The following SEMA4D variants were observed in gnomAD, a reference collection of about 807,000 sequenced individuals.
The protein encoded by SEMA4D is semaphorin 4D.
A neutral mutation model predicts 74.8 loss-of-function variants in SEMA4D; 22 were observed. The observed-to-expected ratio is 0.29, with a 90% CI of 0.21 to 0.42. The LOEUF is 0.42. Ranked by LOEUF, SEMA4D falls within the 10% of genes least tolerant of loss-of-function variation. The pLI is 1.00. For missense variants in SEMA4D, 937 were observed against 1,118.4 expected (o/e 0.84, Z 2.31); for synonymous variants, 445 against 463.7 (o/e 0.96, Z 0.52).
intron 1 of SEMA4D, among the ~76,000 whole-genome samples, chr9:89,472,023 T>C (rs1588130105): frequency 6.6e-6 from 1 of 152,202 alleles, no homozygotes; most frequent in African/African-American, 2.4e-5. Flanking sequence ...CAGGCTGAGG[T>C]GCATGCCAGC....
intron 13 of SEMA4D, chr9:89,385,869 C>A: frequency 6.8e-6 from 1 of 146,486 alleles, no homozygotes; most frequent in Non-Finnish European, 1.4e-5. Flanking sequence ...CGTGGATGCC[C>A]GCCCACCCAC....
chr9:89,421,572 G>A (rs1846961404), intron 2 of SEMA4D, among the ~76,000 whole-genome samples: 1 of 152,178 alleles, frequency 6.6e-6, no homozygotes, highest in East Asian at 1.9e-4. Flanking sequence ...ACACCCAGAA[G>A]TCCACCAGTG....
intron 1 of SEMA4D, among the ~76,000 whole-genome samples, chr9:89,478,451 C>T (rs573623430): frequency 6.6e-6 from 1 of 152,226 alleles, no homozygotes; most frequent in South Asian, 2.1e-4. Flanking sequence ...GCCCTGCTGA[C>T]ACCTTGATTT....
At chr9:89,371,396 GGT>G (rs1834720328) in intron 16 of SEMA4D, among the ~76,000 whole-genome samples, 2 of 128,542 alleles carry the variant, frequency 1.6e-5, no homozygotes, top group African/African-American at 3.0e-5. Context: ...TCTGGGGTGT[GGT>G]GTGTGTCTGG....
intron 2 of SEMA4D, among the ~76,000 whole-genome samples, chr9:89,437,546 G>T (rs1041527398): frequency 6.6e-6 from 1 of 152,162 alleles, no homozygotes; most frequent in African/African-American, 2.4e-5. Context: ...CCACTGCTGC[G>T]GTGCGCCCTG....
chr9:89,412,240 A>G (rs913196503), intron 2 of SEMA4D, among the ~76,000 whole-genome samples: 2 of 152,274 alleles, frequency 1.3e-5, no homozygotes, highest in African/African-American at 4.8e-5. Flanking sequence ...AGCCAAGAGT[A>G]GAAAGTTCCA....
chr9:89,363,407 T>G, intron 18 of SEMA4D: 1 of 1,608,810 alleles, frequency 6.2e-7, no homozygotes, highest in Non-Finnish European at 8.5e-7. Context: ...CCCTCCTTTC[T>G]TTGCCCGGCT....
In SEMA4D at chr9:89,484,087, A is replaced by G. The variant is rs567145916; in HGVS notation, c.-310+13832T>C. Among the ~76,000 whole-genome samples, 2 of 152,384 alleles carry G rather than the reference A, an allele frequency of 1.3e-5. No homozygotes were observed. The highest frequency in any genetic ancestry group is 2.4e-5 in the African/African-American group (1 of 41,602). On this transcript the variant is annotated intron_variant, in intron 1 of 15. Transcript: ENST00000422704. The surrounding 1 kb of genome is among the most constrained non-coding windows in gnomAD (Gnocchi z 4.1). Reference sequence around the variant, plus strand: ...CCACTGAGGCTGCGCACAAGCTGGCAGGCACAGAAGGGCTTCCGGGCTCCC... The same window carrying G: ...CCACTGAGGCTGCGCACAAGCTGGCGGGCACAGAAGGGCTTCCGGGCTCCC...
At chr9:89,390,366 GGGGCTGC>G (rs199581953) in intron 9 of SEMA4D, among the ~76,000 whole-genome samples, 60,076 of 151,752 alleles carry the variant, frequency 0.4, 12,162 homozygotes, top group African/African-American at 0.45. Context: ...CCACGGCTGC[GGGGCTGC>G]GGGGCAGCTG....
chr9:89,409,083 C>G (rs1454412679), intron 2 of SEMA4D, among the ~76,000 whole-genome samples: 1 of 152,062 alleles, frequency 6.6e-6, no homozygotes, highest in Non-Finnish European at 1.5e-5. Flanking sequence ...GACAGGGGAA[C>G]GTTACTCAGC....
Position 89,405,673 on chromosome 9 carries a change from T to A in SEMA4D, c.-217A>T, listed in dbSNP as rs1375189753. 1 of 1,413,222 alleles carries A rather than the reference T, an allele frequency of 7.1e-7. No individual in the cohort carries two copies. The highest frequency in any genetic ancestry group is 9.2e-7 in the Non-Finnish European group (1 of 1,087,516). 87.5% of individuals were successfully genotyped at this position (1,413,222 alleles called of 1,614,324 possible). ...CACCGCAATGTCAAAGCCCACTTGA[T>A]ACTTCTTCAGGGCCTCAGAAGAAAT... On this transcript the variant is annotated 5_prime_UTR_variant, in exon 3 of 16. Transcript: ENST00000422704.
chr9:89,405,723 G>A, intron 2 of SEMA4D, 24 bp from the exon 3 acceptor site: 1 of 1,403,942 alleles, frequency 7.1e-7, no homozygotes, highest in Non-Finnish European at 9.2e-7. Flanking sequence ...AGAAAGAAAA[G>A]GCAGGACCCA....
intron 2 of SEMA4D, among the ~76,000 whole-genome samples, chr9:89,437,184 C>T (rs1406319612): frequency 3.3e-5 from 5 of 152,190 alleles, no homozygotes; most frequent in Admixed American, 6.5e-5. Flanking sequence ...GGCTGCTCTG[C>T]GGGCCAGCAT....
chr9:89,363,880 G>A (rs1833149215), exon 17 of SEMA4D: 2 of 1,614,100 alleles, frequency 1.2e-6, no homozygotes, highest in Non-Finnish European at 1.7e-6. Flanking sequence ...GCAGTGCATG[G>A]GTCTGCACAG....
intron 2 of SEMA4D, among the ~76,000 whole-genome samples, chr9:89,434,601 GA>G (rs569576686): frequency 1.6e-3 from 251 of 152,274 alleles, no homozygotes; most frequent in African/African-American, 5.7e-3. Flanking sequence ...TCTCTCATAA[GA>G]AAACTCTGTG....
At chr9:89,433,445 C>T (rs1055230746) in intron 2 of SEMA4D, among the ~76,000 whole-genome samples, 2 of 152,092 alleles carry the variant, frequency 1.3e-5, no homozygotes, top group Non-Finnish European at 2.9e-5. Context: ...GAGAGGGGCT[C>T]CCATGACCTC....
At chr9:89,368,495 A>T (rs1249872209) in intron 16 of SEMA4D, 1 of 152,572 alleles carries the variant, frequency 6.6e-6, no homozygotes. Context: ...GACTCTGGGG[A>T]CCCTTCTGGG....
intron 1 of SEMA4D, among the ~76,000 whole-genome samples, chr9:89,465,938 C>G (rs1397305773): frequency 1.3e-5 from 2 of 152,146 alleles, no homozygotes; most frequent in Non-Finnish European, 2.9e-5. Context: ...GAAGGTGATG[C>G]TGCAGAATAA....
chr9:89,388,301 T>C (rs74868510), intron 11 of SEMA4D, among the ~76,000 whole-genome samples: 17,480 of 152,344 alleles, frequency 0.11, 1,126 homozygotes, highest in Middle Eastern at 0.14. Flanking sequence ...ATGTGACTCC[T>C]GTTGACTAGT....
Sources: allele counts gnomAD v4.1 joint callset (sites outside exome capture counted in the v4.1 genomes callset), GRCh38; gene constraint gnomAD v4.1.1; non-coding constraint Gnocchi (gnomAD v3.1); transcripts MANE v1.5; gene names NCBI Gene and HGNC (gene_info 2026-07-23, HGNC 2026-07-21).